The following NR3C1 variants were observed in gnomAD, a reference collection of about 807,000 sequenced individuals.
The protein encoded by NR3C1 is glucocorticoid receptor.
Under a neutral mutation model 74.0 loss-of-function variants are expected in NR3C1, and 14 were observed. That is an observed-to-expected ratio of 0.19 (90% CI 0.12 to 0.30). The LOEUF is 0.30. Among genes scored for constraint, NR3C1 ranks in the 10% least tolerant of loss-of-function variants. The pLI, the probability that NR3C1 is intolerant of heterozygous loss-of-function variation, is 1.00. For synonymous variants in NR3C1, 308 were observed against 332.5 expected, an observed-to-expected ratio of 0.93 and a Z score of 0.80; for missense variants, 695 against 909.8, an observed-to-expected ratio of 0.76 and a Z score of 3.04.
At chr5:143,318,726 A>G (rs962650437) in intron 2 of NR3C1, among the ~76,000 whole-genome samples, 1 of 152,166 alleles carries the variant, frequency 6.6e-6, no homozygotes, top group East Asian at 1.9e-4. Context: ...GTACTCCATG[A>G]AAAAAAGTAG....
chr5:143,355,878 C>T (rs2151801739), intron 2 of NR3C1, among the ~76,000 whole-genome samples: 1 of 152,172 alleles, frequency 6.6e-6, no homozygotes, highest in South Asian at 2.1e-4. Context: ...AGGCATTTTC[C>T]TAACCCTGAC....
At chr5:143,344,033 T>C (rs897695513) in intron 2 of NR3C1, among the ~76,000 whole-genome samples, 1 of 152,184 alleles carries the variant, frequency 6.6e-6, no homozygotes, top group African/African-American at 2.4e-5. Context: ...TTCTAAATTG[T>C]AGAATTTTAC....
At chr5:143,350,227 T>C (rs955624351) in intron 2 of NR3C1, among the ~76,000 whole-genome samples, 1 of 152,088 alleles carries the variant, frequency 6.6e-6, no homozygotes, top group Non-Finnish European at 1.5e-5. Context: ...AGCTGCAGTA[T>C]AGAATATAGA....
chr5:143,412,566 C>A (rs138536909), intron 1 of NR3C1, among the ~76,000 whole-genome samples: 12 of 152,254 alleles, frequency 7.9e-5, no homozygotes, highest in African/African-American at 2.6e-4. Flanking sequence ...AAGGACCCTA[C>A]CAAAAGCCAC....
chr5:143,405,366 C>T (rs1462420539), upstream of NR3C1: 22 of 985,304 alleles, frequency 2.2e-5, no homozygotes, highest in Non-Finnish European at 2.5e-5. Flanking sequence ...GGCGGCTCCC[C>T]CTGCTCTGAC....
chr5:143,423,994 T>C (rs1336004902), intron 1 of NR3C1, among the ~76,000 whole-genome samples: 3 of 135,252 alleles, frequency 2.2e-5, no homozygotes, highest in South Asian at 4.6e-4. Context: ...TTCTCACTCG[T>C]AGGTGGGAAT....
chr5:143,303,229 G>C (rs1818855749), intron 4 of NR3C1, among the ~76,000 whole-genome samples: 1 of 125,482 alleles, frequency 8.0e-6, no homozygotes, highest in Admixed American at 1.0e-4. Context: ...TAGGGTTTAT[G>C]TGTGTGTGTA....
chr5:143,323,092 T>C (rs1208647370), intron 2 of NR3C1, among the ~76,000 whole-genome samples: 3 of 152,246 alleles, frequency 2.0e-5, no homozygotes, highest in Non-Finnish European at 4.4e-5. Context: ...TTTTAAATTC[T>C]GTGCAATTCT....
intron 1 of NR3C1, among the ~76,000 whole-genome samples, chr5:143,412,151 T>C (rs1841314126): frequency 1.3e-5 from 2 of 151,542 alleles, no homozygotes; most frequent in South Asian, 2.1e-4. Flanking sequence ...GGGAGGGTTG[T>C]AGTAGGAAGT....
intron 5 of NR3C1, among the ~76,000 whole-genome samples, chr5:143,299,985 A>G (rs1818167810): frequency 6.6e-6 from 1 of 152,206 alleles, no homozygotes; most frequent in Admixed American, 6.5e-5. Flanking sequence ...CCAAATTCCA[A>G]TAGGGTAACT....
At chr5:143,411,676 G>A (rs978361505) in intron 1 of NR3C1, among the ~76,000 whole-genome samples, 1 of 152,104 alleles carries the variant, frequency 6.6e-6, no homozygotes, top group African/African-American at 2.4e-5. Context: ...TATTAAGAGT[G>A]TTATATTTTT....
chr5:143,333,100 A>C lies in NR3C1; in HGVS notation c.1185-18932T>G, dbSNP rs1826344609. Reference sequence around the variant, plus strand: ...GCCTTCCCAGGGAAGCATTTCCAGGAGATCTCATGGTTCTTGCGCCCTTTC... The same window carrying C: ...GCCTTCCCAGGGAAGCATTTCCAGGCGATCTCATGGTTCTTGCGCCCTTTC... On this transcript the variant is annotated intron_variant, in intron 2 of 8. Coordinates refer to ENST00000394464, the MANE Select transcript of NR3C1 (RefSeq NM_000176.3). The C allele has an allele frequency of 4.4e-6, 7 of 1,594,748 alleles. No individual in the cohort carries two copies. In the African/African-American group the frequency reaches 8.0e-5, roughly 18 times the overall value.
intron 2 of NR3C1, among the ~76,000 whole-genome samples, chr5:143,386,613 T>C (rs1202192103): frequency 6.6e-6 from 1 of 151,924 alleles, no homozygotes; most frequent in Non-Finnish European, 1.5e-5. Context: ...TAAGGGGAGA[T>C]GTGCAGGAAG....
At chr5:143,353,473 T>C (rs1166856474) in intron 2 of NR3C1, among the ~76,000 whole-genome samples, 1 of 152,162 alleles carries the variant, frequency 6.6e-6, no homozygotes, top group African/African-American at 2.4e-5. Flanking sequence ...CCTTACAAAA[T>C]GTACTGATTT....
chr5:143,381,724 T>TC (rs1472379489), intron 2 of NR3C1, among the ~76,000 whole-genome samples: 3 of 151,996 alleles, frequency 2.0e-5, no homozygotes, highest in African/African-American at 4.8e-5. Flanking sequence ...AAACTGGATA[T>TC]CCATAGGCAG....
chr5:143,377,798 T>A (rs1835479540), intron 2 of NR3C1, among the ~76,000 whole-genome samples: 1 of 152,214 alleles, frequency 6.6e-6, no homozygotes. Flanking sequence ...TTTCCCAAAT[T>A]AAGAGTCTTT....
chr5:143,300,895 T>G lies in NR3C1; in HGVS notation c.1469-132A>C, dbSNP rs994243094. The G allele has an allele frequency of 2.0e-6, 2 of 1,022,774 alleles. No homozygotes were observed. The highest frequency in any genetic ancestry group is 2.8e-6 in the Non-Finnish European group (2 of 722,206). 63.4% of individuals were successfully genotyped at this position (1,022,774 alleles called of 1,614,324 possible). A position where few individuals can be genotyped will look rare whatever the true frequency, so the allele number is the denominator to read the frequency against. On this transcript the variant is annotated intron_variant, in intron 4 of 8. Coordinates refer to ENST00000394464, the MANE Select transcript of NR3C1 (RefSeq NM_000176.3). This position sits in a 1 kb window ranked among gnomAD's most constrained non-coding sequence, Gnocchi z 5.2. ...GAAATATTTTATTTAGCAATTATGATAAAGTGACATGGAAAAGGAGAAAAA... is the reference window on the plus strand; with the variant it reads ...GAAATATTTTATTTAGCAATTATGAGAAAGTGACATGGAAAAGGAGAAAAA...
chr5:143,369,241 G>C (rs564434280), intron 2 of NR3C1, among the ~76,000 whole-genome samples: 2 of 152,338 alleles, frequency 1.3e-5, no homozygotes, highest in South Asian at 4.1e-4. Flanking sequence ...ATACATTGCT[G>C]ATGGGAGTGT....
At chr5:143,434,669 C>G (rs147422433) in exon 1 of NR3C1, 1 of 985,418 alleles carries the variant, frequency 1.0e-6, no homozygotes, top group Non-Finnish European at 1.2e-6. Flanking sequence ...CCTCCCCATT[C>G]TCGCACAGAG....
Sources: gnomAD v4.1 joint callset for allele counts (sites outside exome capture counted in the v4.1 genomes callset) on GRCh38, gnomAD v4.1.1 for gene constraint, Gnocchi (gnomAD v3.1) non-coding constraint, MANE v1.5 for transcripts, NCBI Gene and HGNC (gene_info 2026-07-23, HGNC 2026-07-21) for gene names.